The following CSMD3 variants were observed in gnomAD, a reference collection of about 807,000 sequenced individuals.
The protein encoded by CSMD3 is CUB and Sushi multiple domains 3.
Under a neutral mutation model 435.2 loss-of-function variants are expected in CSMD3, and 177 were observed. The ratio of observed to expected loss-of-function variants is 0.41; its 90% CI spans 0.36 to 0.46. The LOEUF is 0.46. CSMD3 is among the 20% of genes least tolerant of loss of function. The pLI, the probability that CSMD3 is intolerant of heterozygous loss-of-function variation, is 0.34. For synonymous variants in CSMD3, 1,656 were observed against 1,520.5 expected (o/e 1.09, Z -2.07); for missense variants, 4,265 against 4,504.6 (o/e 0.95, Z 1.52).
intron 35 of CSMD3, among the ~76,000 whole-genome samples, chr8:112,399,476 C>T (rs1231311002): frequency 1.2e-4 from 19 of 152,012 alleles, no homozygotes; most frequent in African/African-American, 3.4e-4. Context: ...AGACTGGCTT[C>T]GAACTCCTGA....
chr8:112,527,001 T>C (rs1040546545), intron 27 of CSMD3, among the ~76,000 whole-genome samples: 1 of 151,766 alleles, frequency 6.6e-6, no homozygotes, highest in African/African-American at 2.4e-5. Context: ...GTATAGCTAA[T>C]AAGCTAATAG....
chr8:112,935,232 C>G (rs1356619465), intron 9 of CSMD3, among the ~76,000 whole-genome samples: 1 of 152,022 alleles, frequency 6.6e-6, no homozygotes, highest in Non-Finnish European at 1.5e-5. Context: ...TTGCTGGCTT[C>G]TCTATTCTGT....
chr8:112,758,421 C>T (rs955429209), intron 13 of CSMD3, among the ~76,000 whole-genome samples: 1 of 151,804 alleles, frequency 6.6e-6, no homozygotes, highest in Admixed American at 6.6e-5. Flanking sequence ...TTAAAATATT[C>T]TTAGCATATA....
At chr8:113,049,992 T>G (rs1191579568) in intron 5 of CSMD3, among the ~76,000 whole-genome samples, 1 of 152,122 alleles carries the variant, frequency 6.6e-6, no homozygotes, top group Non-Finnish European at 1.5e-5. Flanking sequence ...GACATTCCCA[T>G]GAGAAGATTT....
rs1371385902 is a variant in CSMD3 at position 112,244,403 on chromosome 8, T to C, written c.10393A>G (p.Ile3465Val). ...SDNTWTGKVP[I>V]CEAGSKILVK... ...TATAGAGAAAACTTACCTTCACAAATGGGAACTTTTCCAGTCCAGGTGTTA... is the reference window on the plus strand; with the variant it reads ...TATAGAGAAAACTTACCTTCACAAACGGGAACTTTTCCAGTCCAGGTGTTA... The change falls in exon 65 of 71, where the codon ATT (isoleucine) becomes GTT (valine). Residue 3465 changes from isoleucine (I) to valine (V), a missense_variant. Physicochemically the swap from Ile to Val is conservative, Grantham distance 29 (BLOSUM62 3). Transcript: ENST00000297405. 3 of 1,613,060 alleles carry C rather than the reference T, an allele frequency of 1.9e-6. No individual in the cohort carries two copies. The African/African-American group carries it at 4.0e-5, about 22-fold the overall frequency.
At position 113,153,096 on chromosome 8, in the gene CSMD3, GAAAGA is replaced by G. The variant is rs1288500602; in HGVS notation, c.709+20621_709+20625del. On this transcript the variant is annotated intron_variant, in intron 4 of 70. Transcript: ENST00000297405. ...AAAGAAAAAGAAAGAAAGAAAGAAA[GAAAGA>G]AAAGAAAGAAAGAAAGAAAGAAAGA... 4.5e-3 allele frequency among the ~76,000 whole-genome samples: 378 copies of G among 83,504 alleles called. 5 individuals carry two copies. The highest frequency in any genetic ancestry group is 0.037 in the East Asian group (55 of 1,490). The allele number at this position is 83,504 out of a possible 152,430, so 54.8% of individuals were successfully genotyped here.
chr8:112,864,533 G>C (rs2080921629), intron 10 of CSMD3, among the ~76,000 whole-genome samples: 1 of 152,098 alleles, frequency 6.6e-6, no homozygotes, highest in African/African-American at 2.4e-5. Flanking sequence ...TTACAGGCGT[G>C]AGCCACCGTG....
chr8:112,888,797 A>G lies in CSMD3; in HGVS notation c.1634-29531T>C, dbSNP rs138735395. On this transcript the variant is annotated intron_variant, in intron 10 of 70. Coordinates refer to ENST00000297405, the MANE Select transcript of CSMD3 (RefSeq NM_198123.2). ...GATTTTTCTTTCCCAGGTGTCAGAG[A>G]GTCCATAGGGCAGGAAGCAAGATGC... Among the ~76,000 whole-genome samples, 791 of 151,704 alleles carry G rather than the reference A, an allele frequency of 5.2e-3. 15 individuals carry two copies. Among genetic ancestry groups the G allele is most frequent in the African/African-American group, 0.018 (764 of 41,486 alleles).
chr8:112,332,125 A>G (rs1257128769), intron 45 of CSMD3, among the ~76,000 whole-genome samples: 2 of 152,178 alleles, frequency 1.3e-5, no homozygotes, highest in Non-Finnish European at 2.9e-5. Context: ...TCAGTCAATA[A>G]CAAAAATATA....
intron 38 of CSMD3, among the ~76,000 whole-genome samples, chr8:112,365,196 T>A (rs1827647489): frequency 6.6e-6 from 1 of 152,098 alleles, no homozygotes; most frequent in Non-Finnish European, 1.5e-5. Context: ...GCAAATAGAT[T>A]TTCTTGAATT....
intron 27 of CSMD3, among the ~76,000 whole-genome samples, chr8:112,525,652 T>A (rs1238586731): frequency 6.8e-6 from 1 of 147,664 alleles, no homozygotes; most frequent in Non-Finnish European, 1.5e-5. Context: ...ACCCAGGAGG[T>A]GGAACATGCC....
At chr8:113,428,452 T>C (rs2094650079) in intron 1 of CSMD3, among the ~76,000 whole-genome samples, 1 of 151,780 alleles carries the variant, frequency 6.6e-6, no homozygotes, top group Non-Finnish European at 1.5e-5. Flanking sequence ...TAGCTAACTG[T>C]ATGATCCTGG....
chr8:113,367,097 G>A (rs148739117), intron 1 of CSMD3, among the ~76,000 whole-genome samples: 94 of 151,684 alleles, frequency 6.2e-4, no homozygotes, highest in African/African-American at 2.1e-3. Flanking sequence ...ATATACTTCC[G>A]GGGAATAATT....
intron 53 of CSMD3, among the ~76,000 whole-genome samples, chr8:112,296,546 C>A (rs1455487588): frequency 1.4e-4 from 20 of 141,300 alleles, no homozygotes; most frequent in Admixed American, 1.3e-3. Context: ...CAAGACTCCA[C>A]CTCAAAAAAA....
At chr8:112,682,015 T>C (rs1056124712) in intron 16 of CSMD3, among the ~76,000 whole-genome samples, 1 of 151,988 alleles carries the variant, frequency 6.6e-6, no homozygotes, top group Non-Finnish European at 1.5e-5. Context: ...TTTAAATAAA[T>C]GGGTGTTTTA....
At chr8:113,059,808 C>A (rs2088524176) in intron 5 of CSMD3, among the ~76,000 whole-genome samples, 1 of 151,980 alleles carries the variant, frequency 6.6e-6, no homozygotes, top group South Asian at 2.1e-4. Context: ...TCTGGGTGTT[C>A]ATTGGAAACA....
chr8:112,961,553 A>G (rs1166537221), intron 7 of CSMD3, among the ~76,000 whole-genome samples: 1 of 151,868 alleles, frequency 6.6e-6, no homozygotes, highest in Admixed American at 6.6e-5. Flanking sequence ...TTATTTTTCA[A>G]TCATTTTAGG....
chr8:112,622,188 A>G (rs1834127889), intron 22 of CSMD3, among the ~76,000 whole-genome samples: 1 of 152,300 alleles, frequency 6.6e-6, no homozygotes, highest in Non-Finnish European at 1.5e-5. Context: ...CAAATTAAGG[A>G]GTATGTAATC....
At chr8:112,758,012 G>C (rs1215678791) in intron 13 of CSMD3, among the ~76,000 whole-genome samples, 1 of 151,804 alleles carries the variant, frequency 6.6e-6, no homozygotes, top group African/African-American at 2.4e-5. Context: ...GCCGTGATCA[G>C]GCAATTGCAC....
Sources: gnomAD v4.1 joint callset for allele counts (sites outside exome capture counted in the v4.1 genomes callset) on GRCh38, gnomAD v4.1.1 for gene constraint, MANE v1.5 for transcripts, NCBI Gene and HGNC (gene_info 2026-07-23, HGNC 2026-07-21) for gene names.